Variants in COL4A3 observed in about 807,000 individuals in gnomAD.
The protein encoded by COL4A3 is collagen alpha-3(IV) chain.
COL4A3 carries 135 observed loss-of-function variants against 217.4 expected under a neutral mutation model. The ratio of observed to expected loss-of-function variants is 0.62; its 90% CI spans 0.54 to 0.72. The LOEUF (loss-of-function observed/expected upper bound fraction) is 0.72, where lower values mean the gene tolerates loss of function less well. Among genes scored for constraint, COL4A3 ranks in the 30% least tolerant of loss-of-function variants. The pLI, the probability that COL4A3 is intolerant of heterozygous loss-of-function variation, is 0.00. For missense variants in COL4A3, 1,868 were observed against 2,119.9 expected (o/e 0.88, Z 2.33); for synonymous variants, 690 against 736.3 (o/e 0.94, Z 1.02).
intron 28 of COL4A3, 26 bp from the exon 29 acceptor site, chr2:227,279,767 C>A: frequency 1.3e-6 from 2 of 1,483,810 alleles, no homozygotes; most frequent in Non-Finnish European, 1.9e-6. Flanking sequence ...AATCCTACAA[C>A]AATGTTTATT....
At chr2:227,196,322 CT>C (rs767607620) in intron 1 of COL4A3, among the ~76,000 whole-genome samples, 403 of 141,886 alleles carry the variant, frequency 2.8e-3, no homozygotes, top group Non-Finnish European at 3.0e-3. Flanking sequence ...ATGTTTTTAT[CT>C]TTTTTTTTTT....
intron 34 of COL4A3, among the ~76,000 whole-genome samples, chr2:227,285,033 A>T (rs1443524972): frequency 6.6e-6 from 1 of 152,168 alleles, no homozygotes; most frequent in African/African-American, 2.4e-5. Flanking sequence ...AAGCAACTTT[A>T]GAAAAACAGA....
chr2:227,194,000 A>G (rs762410263), intron 1 of COL4A3, among the ~76,000 whole-genome samples: 1 of 14,322 alleles, frequency 7.0e-5, no homozygotes, highest in Non-Finnish European at 1.6e-4. Context: ...GAGAGGAGAA[A>G]GAGAAGGGAA....
intron 1 of COL4A3, among the ~76,000 whole-genome samples, chr2:227,213,544 A>AC (rs2125795893): frequency 7.3e-6 from 1 of 137,164 alleles, no homozygotes; most frequent in East Asian, 2.2e-4. Flanking sequence ...GTAGTTTTCA[A>AC]CCCAAGCTCT....
rs751915745 is a variant in COL4A3, at chr2:227,294,538, T to C, written c.3386T>C (p.Leu1129Pro). ...TTGGGTTTTAAAGGAATCAAAGGCC[T>C]CCTGGGCCCTCCAGGAATCAGAGGC... ...GDLGFKGIKG[L>P]LGPPGIRGPP... is the part of the protein sequence containing the mutation. The change falls in exon 39 of 52, where the codon CTC becomes CCC. Residue 1129 changes from leucine to proline, a missense_variant. By Grantham distance (98) the Leu-to-Pro change is moderately conservative. Around this residue, in one of 2 missense-constraint regions of COL4A3, gnomAD observed 1,503 missense variants for 1,786.1 expected, o/e 0.84. Transcript: ENST00000396578. The C allele has an allele frequency of 5.9e-5, 95 of 1,613,682 alleles. No homozygotes were observed. The highest frequency in any genetic ancestry group is 8.0e-5 in the Non-Finnish European group (94 of 1,179,668).
At chr2:227,234,725 T>C (rs2068597158) in intron 1 of COL4A3, among the ~76,000 whole-genome samples, 1 of 152,118 alleles carries the variant, frequency 6.6e-6, no homozygotes, top group African/African-American at 2.4e-5. Flanking sequence ...AGGGGACCAG[T>C]CTAGTCTGGA....
chr2:227,252,494 G>C (rs1001592879), intron 11 of COL4A3, among the ~76,000 whole-genome samples: 120 of 151,806 alleles, frequency 7.9e-4, no homozygotes, highest in African/African-American at 2.3e-3. Flanking sequence ...GGAATTACAG[G>C]CATGAGCCAC....
chr2:227,234,069 G>A (rs1360700466), intron 1 of COL4A3, among the ~76,000 whole-genome samples: 1 of 152,156 alleles, frequency 6.6e-6, no homozygotes, highest in Non-Finnish European at 1.5e-5. Flanking sequence ...TGGGGATAAG[G>A]GTTGTAATTG....
At chr2:227,165,051 C>T (rs2065182534) in intron 1 of COL4A3, among the ~76,000 whole-genome samples, 1 of 152,148 alleles carries the variant, frequency 6.6e-6, no homozygotes, top group Non-Finnish European at 1.5e-5. Context: ...GGGGCTTGTC[C>T]AGTGCCTAGG....
chr2:227,265,083 G>A (rs2070807335), intron 21 of COL4A3: 2 of 152,202 alleles, frequency 1.3e-5, no homozygotes, highest in Non-Finnish European at 2.9e-5. Context: ...GTATTTTGAG[G>A]TCAAAGACTG....
At chr2:227,203,103 A>G (rs534554928) in intron 1 of COL4A3, among the ~76,000 whole-genome samples, 3 of 35,940 alleles carry the variant, frequency 8.3e-5, no homozygotes, top group African/African-American at 1.4e-4. Flanking sequence ...GTATATATAC[A>G]TATATGTGTA....
chr2:227,279,485 G>C (rs1044329370), intron 28 of COL4A3: 1 of 357,374 alleles, frequency 2.8e-6, no homozygotes, highest in African/African-American at 2.1e-5. Flanking sequence ...CCACTTACCT[G>C]TACACTGTAT....
intron 27 of COL4A3, 40 bp from the exon 28 acceptor site, chr2:227,277,409 G>T: frequency 1.7e-6 from 2 of 1,212,072 alleles, no homozygotes; most frequent in Non-Finnish European, 2.4e-6. Flanking sequence ...ATGAAGGAAA[G>T]TTGCTGATGT....
At chr2:227,195,604 AGTTT>A (rs1200233095) in intron 1 of COL4A3, among the ~76,000 whole-genome samples, 1 of 151,112 alleles carries the variant, frequency 6.6e-6, no homozygotes, top group African/African-American at 2.4e-5. Context: ...ATATTTTACT[AGTTT>A]GTTTACCATA....
At chr2:227,279,563 C>A in intron 28 of COL4A3, 1 of 521,910 alleles carries the variant, frequency 1.9e-6, no homozygotes. Context: ...ATTGCTGAAT[C>A]AAAATCATGG....
intron 1 of COL4A3, among the ~76,000 whole-genome samples, chr2:227,234,536 C>T (rs10208195): frequency 1.3e-5 from 2 of 152,042 alleles, no homozygotes; most frequent in African/African-American, 4.8e-5. Context: ...AATAAACCAG[C>T]TGTCCATCCA....
At chr2:227,199,504 G>A (rs2066605882) in intron 1 of COL4A3, among the ~76,000 whole-genome samples, 1 of 152,218 alleles carries the variant, frequency 6.6e-6, no homozygotes, top group Admixed American at 6.5e-5. Flanking sequence ...AGACCTAAGG[G>A]ATTTGTCTCT....
chr2:227,299,532 A>G (rs2073188187), intron 43 of COL4A3, among the ~76,000 whole-genome samples: 1 of 152,206 alleles, frequency 6.6e-6, no homozygotes, highest in African/African-American at 2.4e-5. Flanking sequence ...TATAGGAACT[A>G]CAATTCAAGA....
At chr2:227,298,532 T>C (rs1333208829) in intron 42 of COL4A3, 150 bp from the exon 43 acceptor site, 10 of 1,175,898 alleles carry the variant, frequency 8.5e-6, no homozygotes, top group African/African-American at 3.0e-5. Context: ...TTCTCCTGTC[T>C]TTACCACAAT....
Sources: gnomAD v4.1 joint callset for allele counts (sites outside exome capture counted in the v4.1 genomes callset) on GRCh38, gnomAD v4.1.1 for gene constraint, gnomAD v4.1.1 regional missense constraint, MANE v1.5 for transcripts, NCBI Gene and HGNC (gene_info 2026-07-23, HGNC 2026-07-21) for gene names.